Variants in KDR observed in about 807,000 individuals in gnomAD.
KDR encodes vascular endothelial growth factor receptor 2.
Under a neutral mutation model 160.9 loss-of-function variants are expected in KDR, and 43 were observed. That is an observed-to-expected ratio of 0.27 (90% CI 0.21 to 0.34). The LOEUF (loss-of-function observed/expected upper bound fraction) is 0.34. Among genes scored for constraint, KDR ranks in the 10% least tolerant of loss-of-function variants. The pLI, the probability that KDR is intolerant of heterozygous loss-of-function variation, is 1.00. For missense variants in KDR, 1,469 were observed against 1,666.4 expected, an observed-to-expected ratio of 0.88 and a Z score of 2.06; for synonymous variants, 617 against 600.1, an observed-to-expected ratio of 1.03 and a Z score of -0.41.
intron 21 of KDR, among the ~76,000 whole-genome samples, 180 bp from the exon 22 acceptor site, chr4:55,092,894 T>C (rs1445142707): frequency 6.6e-6 from 1 of 152,192 alleles, no homozygotes; most frequent in Non-Finnish European, 1.5e-5. Flanking sequence ...TTAGCCTTCA[T>C]CATACCCCCT....
rs776774741 is a variant in KDR, at chr4:55,094,904, C to T, written c.2869G>A (p.Val957Met). 1.2e-6 allele frequency: 2 copies of T among 1,614,014 alleles called. No homozygotes were observed. The highest frequency in any genetic ancestry group is 2.2e-5 in the South Asian group (2 of 91,082). ...CTGTCCAAGCGCCGTTTCAGATCCA[C>T]AGGGATTGCTCCAACGTAGTCTTTC... ...QGKDYVGAIP[V>M]DLKRRLDSIT... Residue 957 changes from valine to methionine, a missense_variant, in exon 21 of 30, where the codon GTG becomes ATG. Physicochemically the swap from Val to Met is conservative, Grantham distance 21. Around this residue, in one of 7 missense-constraint regions of KDR, gnomAD observed 151 missense variants for 207.2 expected, o/e 0.73. Transcript: ENST00000263923.
chr4:55,106,046 C>A, intron 11 of KDR, 106 bp from the exon 12 acceptor site: 2 of 791,882 alleles, frequency 2.5e-6, no homozygotes, highest in South Asian at 2.7e-5. Context: ...CTATGCCATT[C>A]CCACTTCTGC....
rs537131755 is a variant in KDR, at chr4:55,092,808, G to A, written c.2972-94C>T. The A allele has an allele frequency of 8.5e-5, 75 of 881,806 alleles. No individual in the cohort carries two copies. In the African/African-American group the frequency reaches 1.1e-3, roughly 13 times the overall value. The allele number at this position is 881,806 out of a possible 1,614,324, so 54.6% of individuals were successfully genotyped here. ...AGAGTAATAATCTTTTTAAGACTTG[G>A]GAGTTAAGTTTTTAGGAAATAGAAG... On this transcript the variant is annotated intron_variant, in intron 21 of 29. Coordinates refer to ENST00000263923, the MANE Select transcript of KDR (RefSeq NM_002253.4).
At chr4:55,110,120 G>C (rs183188756) in intron 9 of KDR, among the ~76,000 whole-genome samples, 320 of 152,276 alleles carry the variant, frequency 2.1e-3, no homozygotes, top group Non-Finnish European at 4.1e-3. Context: ...AACTGTCCCT[G>C]TGGGCATTCT....
intron 3 of KDR, among the ~76,000 whole-genome samples, 184 bp from the exon 4 acceptor site, chr4:55,115,595 T>C (rs1720715892): frequency 1.3e-5 from 2 of 151,080 alleles, no homozygotes; most frequent in African/African-American, 2.4e-5. Flanking sequence ...TGTGTGTATG[T>C]GTGTGTGTGT....
Position 55,096,363 on chromosome 4 carries a change from G to T in KDR, c.2615-21C>A, listed in dbSNP as rs755103201. ...TCCTTCTACAAATACAGTACAAAGA[G>T]GGAAATCATAGGTATGGACATTTCC... On this transcript the variant is annotated intron_variant, in intron 18 of 29. Transcript: ENST00000263923. 3.9e-6 allele frequency: 6 copies of T among 1,546,240 alleles called. No homozygotes were observed. The African/African-American group carries it at 6.9e-5, about 18-fold the overall frequency.
Position 55,078,744 on chromosome 4 carries a change from A to G in KDR, c.*1197T>C, listed in dbSNP as rs1258724406. ...CTTTTTTGAAAAAAAGGACAGAACA[A>G]GGGCAAAAATCAGTAGAAATAGCTC... On this transcript the variant is annotated 3_prime_UTR_variant, in exon 30 of 30. Coordinates refer to ENST00000263923, the MANE Select transcript of KDR (RefSeq NM_002253.4). 1 of 232,844 alleles carries G rather than the reference A, an allele frequency of 4.3e-6. No individual in the cohort carries two copies. The highest frequency in any genetic ancestry group is 2.2e-5 in the African/African-American group (1 of 45,348). 14.4% of individuals were successfully genotyped at this position (232,844 alleles called of 1,614,324 possible). A position where few individuals can be genotyped will look rare whatever the true frequency, so the allele number is the denominator to read the frequency against.
chr4:55,095,463 G>A, intron 20 of KDR, 114 bp downstream of exon 20: 1 of 762,274 alleles, frequency 1.3e-6, no homozygotes, highest in Non-Finnish European at 2.4e-6. Flanking sequence ...GAGGTAATAT[G>A]AGAAGATTCC....
chr4:55,125,437 G>A lies in KDR; in HGVS notation c.-144C>T, dbSNP rs1409291473. The stretch of plus-strand genomic sequence containing the variant: ...TGAGCGCACAGGGCTAGGGAGCCCG[G>A]GCGCCGACCGCGGCTGCAGGGGCGT... On this transcript the variant is annotated 5_prime_UTR_variant, in exon 1 of 30. Transcript: ENST00000263923. The A allele has an allele frequency of 3.9e-6, 4 of 1,031,054 alleles. No individual in the cohort carries two copies. Among genetic ancestry groups the A allele is most frequent in the Non-Finnish European group, 5.7e-6 (4 of 699,680 alleles). 63.9% of individuals were successfully genotyped at this position (1,031,054 alleles called of 1,614,324 possible).
rs369242487 is a variant in KDR, at chr4:55,098,853, T to C, written c.2267-50A>G. On this transcript the variant is annotated intron_variant, in intron 15 of 29. Coordinates refer to ENST00000263923, the MANE Select transcript of KDR (RefSeq NM_002253.4). ...ATCAACAGTTGGAAACTTATACTTTTTGTTTGTAAGATGACAAATTTTAGC... is the reference window on the plus strand; with the variant it reads ...ATCAACAGTTGGAAACTTATACTTTCTGTTTGTAAGATGACAAATTTTAGC... The C allele has an allele frequency of 8.4e-6, 12 of 1,427,758 alleles. No homozygotes were observed. The African/African-American group carries it at 8.4e-5, about 10-fold the overall frequency. 88.4% of individuals were successfully genotyped at this position (1,427,758 alleles called of 1,614,324 possible).
At chr4:55,124,613 T>C (rs1720982227) in intron 1 of KDR, among the ~76,000 whole-genome samples, 1 of 151,888 alleles carries the variant, frequency 6.6e-6, no homozygotes, top group Admixed American at 6.6e-5. Flanking sequence ...CAAGTCCCTA[T>C]TCCCCCCCTT....
intron 21 of KDR, among the ~76,000 whole-genome samples, chr4:55,093,720 CAG>C (rs1421175026): frequency 6.6e-6 from 1 of 152,206 alleles, no homozygotes; most frequent in Non-Finnish European, 1.5e-5. Context: ...TCAAGGGAAA[CAG>C]AGTGGGTTTC....
chr4:55,111,788 G>A (rs1222769979), intron 7 of KDR, among the ~76,000 whole-genome samples: 1 of 152,164 alleles, frequency 6.6e-6, no homozygotes, highest in Non-Finnish European at 1.5e-5. Context: ...GTTCTTGCTA[G>A]GGATGCCACG....
chr4:55,100,600 C>T (rs1394603253), intron 15 of KDR, among the ~76,000 whole-genome samples: 2 of 152,092 alleles, frequency 1.3e-5, no homozygotes, highest in Admixed American at 1.3e-4. Flanking sequence ...GCGGATTTGC[C>T]CTAAAACATG....
At chr4:55,117,791 A>T (rs1720771876) in intron 3 of KDR, among the ~76,000 whole-genome samples, 2 of 152,200 alleles carry the variant, frequency 1.3e-5, no homozygotes, top group South Asian at 4.1e-4. Flanking sequence ...ATCCAACCAA[A>T]CTATGATGCA....
intron 5 of KDR, 30 bp from the exon 6 acceptor site, chr4:55,114,295 A>T: frequency 6.2e-7 from 1 of 1,608,030 alleles, no homozygotes. Flanking sequence ...AAAACAGAAC[A>T]TGAGAGAGCA....
At chr4:55,109,157 T>C (rs1429405521) in intron 9 of KDR, among the ~76,000 whole-genome samples, 1 of 151,920 alleles carries the variant, frequency 6.6e-6, no homozygotes, top group Non-Finnish European at 1.5e-5. Context: ...ATCTCGGCTA[T>C]CTGCAACCTC....
chr4:55,081,891 A>G (rs1719741848), intron 29 of KDR, 65 bp downstream of exon 29: 4 of 1,120,932 alleles, frequency 3.6e-6, no homozygotes, highest in Admixed American at 1.7e-5. Flanking sequence ...ACTTACACTG[A>G]AAGTCCTAAG....
At chr4:55,124,027 G>C (rs763254211) in intron 1 of KDR, among the ~76,000 whole-genome samples, 1 of 152,204 alleles carries the variant, frequency 6.6e-6, no homozygotes, top group Non-Finnish European at 1.5e-5. Context: ...GCCCAGAAAG[G>C]GGGAGAGAGA....
Sources: allele counts gnomAD v4.1 joint callset (sites outside exome capture counted in the v4.1 genomes callset), GRCh38; gene constraint gnomAD v4.1.1; regional missense constraint gnomAD v4.1.1; transcripts MANE v1.5; gene names NCBI Gene and HGNC (gene_info 2026-07-23, HGNC 2026-07-21).